CACNA1E: variants seen among roughly 807,000 people sequenced by gnomAD.
The protein encoded by CACNA1E is calcium voltage-gated channel subunit alpha1 E.
Under a neutral mutation model 259.2 loss-of-function variants are expected in CACNA1E, and 40 were observed. The ratio of observed to expected loss-of-function variants is 0.15; its 90% CI spans 0.12 to 0.20. CACNA1E has a LOEUF of 0.20. CACNA1E is among the 10% of genes least tolerant of loss of function. The pLI, the probability that CACNA1E is intolerant of heterozygous loss-of-function variation, is 1.00. For missense variants in CACNA1E, 1,874 were observed against 3,040.1 expected (o/e 0.62, Z 9.02); for synonymous variants, 1,104 against 1,138.5 (o/e 0.97, Z 0.61).
At position 181,783,478 on chromosome 1, in the gene CACNA1E, TACA is replaced by T. The variant is rs139017405; in HGVS notation, c.5365-184_5365-182del. On this transcript the variant is annotated intron_variant, in intron 39 of 47. Coordinates refer to ENST00000367573, the MANE Select transcript of CACNA1E (RefSeq NM_001205293.3). ...CTTGGTGGAGAAAAAACAAACAAAC[TACA>T]ACAACAACAACAACAAAACAGCAGC... Among the ~76,000 whole-genome samples the T allele has an allele frequency of 0.051, 7,797 of 151,704 alleles. 245 individuals are homozygous for T. The highest frequency in any genetic ancestry group is 0.11 in the Middle Eastern group (33 of 292).
At chr1:181,500,329 C>G (rs1013457238) in intron 1 of CACNA1E, among the ~76,000 whole-genome samples, 1 of 152,240 alleles carries the variant, frequency 6.6e-6, no homozygotes, top group Non-Finnish European at 1.5e-5. Context: ...TGTGCTGAAA[C>G]TGGCTTGTCC....
chr1:181,617,775 A>T (rs368322372), intron 6 of CACNA1E, among the ~76,000 whole-genome samples: 2 of 152,290 alleles, frequency 1.3e-5, no homozygotes, highest in African/African-American at 4.8e-5. Context: ...GACTCCTGGT[A>T]TTTTAAGGGG....
intron 2 of CACNA1E, among the ~76,000 whole-genome samples, chr1:181,437,412 G>A (rs779948013): frequency 3.3e-5 from 5 of 151,650 alleles, no homozygotes; most frequent in East Asian, 1.9e-4. Context: ...CTTTATCCTC[G>A]GTCCCATTTC....
chr1:181,582,088 G>A (rs1015483781), intron 6 of CACNA1E, among the ~76,000 whole-genome samples: 2 of 152,206 alleles, frequency 1.3e-5, no homozygotes, highest in African/African-American at 4.8e-5. Flanking sequence ...GAAGTACTTA[G>A]TAGAGGTCCA....
intron 1 of CACNA1E, among the ~76,000 whole-genome samples, chr1:181,491,135 C>T (rs1304368570): frequency 4.6e-5 from 7 of 152,212 alleles, no homozygotes; most frequent in Admixed American, 3.9e-4. Flanking sequence ...CACTCACTAA[C>T]GTCCTGGCAA....
chr1:181,426,959 A>G (rs1659316972), intron 2 of CACNA1E, among the ~76,000 whole-genome samples: 1 of 128,828 alleles, frequency 7.8e-6, no homozygotes, highest in Non-Finnish European at 1.7e-5. Context: ...CCCCTTCACA[A>G]CTCAACCCCT....
chr1:181,393,683 C>G (rs1656454004), intron 1 of CACNA1E, among the ~76,000 whole-genome samples: 1 of 152,172 alleles, frequency 6.6e-6, no homozygotes, highest in Non-Finnish European at 1.5e-5. Flanking sequence ...GTCTCGAACT[C>G]CTGAGCTCAG....
At chr1:181,672,359 C>T (rs1648897609) in intron 7 of CACNA1E, among the ~76,000 whole-genome samples, 1 of 152,098 alleles carries the variant, frequency 6.6e-6, no homozygotes, top group Non-Finnish European at 1.5e-5. Flanking sequence ...TGTACATGTA[C>T]CCCAAACCTA....
chr1:181,614,228 A>G (rs1655011295), intron 6 of CACNA1E, among the ~76,000 whole-genome samples: 1 of 152,068 alleles, frequency 6.6e-6, no homozygotes, highest in Non-Finnish European at 1.5e-5. Context: ...CTTTTTTACA[A>G]TGATCCACAT....
chr1:181,447,837 C>A (rs913113919), intron 2 of CACNA1E, among the ~76,000 whole-genome samples: 14 of 152,266 alleles, frequency 9.2e-5, no homozygotes, highest in African/African-American at 3.4e-4. Context: ...TGGCTGTAAC[C>A]TAAGGGCTCT....
At chr1:181,420,323 T>A (rs1309334841) in intron 2 of CACNA1E, among the ~76,000 whole-genome samples, 1 of 152,184 alleles carries the variant, frequency 6.6e-6, no homozygotes, top group Non-Finnish European at 1.5e-5. Flanking sequence ...CAGAATGTTG[T>A]TTTCCTAAGA....
At chr1:181,559,293 G>A (rs1223853182) in intron 3 of CACNA1E, among the ~76,000 whole-genome samples, 3 of 152,220 alleles carry the variant, frequency 2.0e-5, no homozygotes, top group Admixed American at 6.5e-5. Flanking sequence ...GTGCAGGCTG[G>A]AGGCCTTGTA....
chr1:181,745,853 A>G (rs1267354327), intron 25 of CACNA1E, among the ~76,000 whole-genome samples: 3 of 152,250 alleles, frequency 2.0e-5, no homozygotes, highest in African/African-American at 4.8e-5. Flanking sequence ...TAAAACTGCT[A>G]GGAGACAGTT....
At position 181,776,929 on chromosome 1, in the gene CACNA1E, G is replaced by C. The variant is rs1359769363; in HGVS notation, c.5267+701G>C. On this transcript the variant is annotated intron_variant, in intron 38 of 47. Transcript: ENST00000367573. This position sits in a 1 kb window ranked among gnomAD's most constrained non-coding sequence, Gnocchi z 4.4. ...GCAAATAAAGTTTTATTGAAAGACA[G>C]CTCAACCATTCGTTTACGTATTGTC... Among the ~76,000 whole-genome samples, 1 of 152,238 alleles carries C rather than the reference G, an allele frequency of 6.6e-6. No individual in the cohort carries two copies. The highest frequency in any genetic ancestry group is 1.5e-5 in the Non-Finnish European group (1 of 68,038).
chr1:181,670,005 A>G (rs1163271095), intron 7 of CACNA1E, among the ~76,000 whole-genome samples: 2 of 152,184 alleles, frequency 1.3e-5, no homozygotes, highest in African/African-American at 4.8e-5. Context: ...CATTCACTTC[A>G]CTATAGCTTT....
chr1:181,622,516 CCTT>C (rs1341159280), intron 6 of CACNA1E, among the ~76,000 whole-genome samples: 1 of 152,152 alleles, frequency 6.6e-6, no homozygotes, highest in Non-Finnish European at 1.5e-5. Flanking sequence ...CAGATGGCCC[CCTT>C]CTTGCTGTGT....
At chr1:181,771,982 G>A in intron 36 of CACNA1E, 84 bp from the exon 37 acceptor site, 3 of 1,295,308 alleles carry the variant, frequency 2.3e-6, no homozygotes, top group Non-Finnish European at 3.3e-6. Context: ...CAAGAGCGAG[G>A]ATGGGGAAAT....
chr1:181,766,596 C>T lies in CACNA1E; in HGVS notation c.4866C>T (p.Ala1622=). The change falls in exon 35 of 48, where the codon GCC becomes GCT. Residue 1622 remains alanine, a synonymous_variant. Coordinates refer to ENST00000367573, the MANE Select transcript of CACNA1E (RefSeq NM_001205293.3). ...TTGCCATGCTTTTCTTCATTTATGC[C>T]ATCATTGGGATGCAGGTGAGCTGGT... The part of the protein sequence containing the change: ...LLIAMLFFIY[A]IIGMQVFGNI... 6.2e-7 allele frequency: 1 copy of T among 1,612,918 alleles called. No individual in the cohort carries two copies. Among genetic ancestry groups the T allele is most frequent in the Non-Finnish European group, 8.5e-7 (1 of 1,179,098 alleles).
chr1:181,477,454 G>A (rs1662934712), intron 2 of CACNA1E, among the ~76,000 whole-genome samples: 1 of 152,204 alleles, frequency 6.6e-6, no homozygotes, highest in South Asian at 2.1e-4. Context: ...TGAGAACAAT[G>A]TGTGGCTCAT....
Sources: allele counts gnomAD v4.1 joint callset (sites outside exome capture counted in the v4.1 genomes callset), GRCh38; gene constraint gnomAD v4.1.1; non-coding constraint Gnocchi (gnomAD v3.1); transcripts MANE v1.5; gene names NCBI Gene and HGNC (gene_info 2026-07-23, HGNC 2026-07-21).